The following KIAA1586 variants were observed in gnomAD, a reference collection of about 807,000 sequenced individuals.
The protein encoded by KIAA1586 is KIAA1586, also known as E3 SUMO-protein ligase KIAA1586.
In KIAA1586, 5 loss-of-function variants were observed where a neutral mutation model predicts 6.1. That is an observed-to-expected ratio of 0.82 (90% CI 0.43 to 1.73). The LOEUF is 1.73. Among genes scored for constraint, KIAA1586 ranks in the 40% most tolerant of loss-of-function variants. KIAA1586 has a pLI of 0.02. For missense variants in KIAA1586, 899 were observed against 878.2 expected (o/e 1.02, Z -0.30); for synonymous variants, 280 against 301.7 (o/e 0.93, Z 0.75).
chr6:57,050,971 T>G lies in KIAA1586; in HGVS notation c.186+117T>G, dbSNP rs1593047974. 2.5e-5 allele frequency: 18 copies of G among 720,494 alleles called. No individual in the cohort carries two copies. The South Asian group carries it at 2.5e-4, about 10-fold the overall frequency. 44.6% of individuals were successfully genotyped at this position (720,494 alleles called of 1,614,324 possible). ...TTGGCCAGGCACGGTGGCTCTCGCT[T>G]GTAATCCCAGCACTTTGGGAGGCCG... is the stretch of plus-strand genomic sequence containing the variant. On this transcript the variant is annotated intron_variant, in intron 3 of 3. Coordinates refer to ENST00000370733, the MANE Select transcript of KIAA1586 (RefSeq NM_020931.4).
rs1048848368 is a variant in KIAA1586 at position 57,046,885 on chromosome 6, C to T, written c.21+109C>T. ...CCGTCGCAGCCTCGGGGCGATACCT[C>T]TTCAGTGTCTTGGGCCGAGCCCAGC... is the stretch of plus-strand genomic sequence containing the variant. On this transcript the variant is annotated intron_variant, in intron 1 of 3. Transcript: ENST00000370733. The T allele has an allele frequency of 4.9e-6, 7 of 1,431,314 alleles. No individual in the cohort carries two copies. The Admixed American group carries it at 1.2e-4, about 25-fold the overall frequency. The allele number at this position is 1,431,314 out of a possible 1,614,324, so 88.7% of individuals were successfully genotyped here. A position where few individuals can be genotyped will look rare whatever the true frequency, so the allele number is the denominator to read the frequency against.
At chr6:57,047,851 C>G (rs1323320992) in intron 2 of KIAA1586, among the ~76,000 whole-genome samples, 1 of 111,728 alleles carries the variant, frequency 9.0e-6, no homozygotes, top group East Asian at 2.5e-4. Flanking sequence ...CATCATGTTA[C>G]GGCATAGTAC....
In KIAA1586 at chr6:57,053,333, G is replaced by A; in HGVS notation, c.834G>A (p.Glu278=). The change falls in exon 4 of 4, where the codon GAG becomes GAA. Residue 278 remains glutamate, a synonymous_variant. Transcript: ENST00000370733. ...GARELQEKNG[E]VNCLNTRYSA... ...GAGAATTACAGGAAAAAAATGGAGAGGTAAATTGTTTAAATACACGTTACA... is the reference window on the plus strand; with the variant it reads ...GAGAATTACAGGAAAAAAATGGAGAAGTAAATTGTTTAAATACACGTTACA... 1.9e-6 allele frequency: 3 copies of A among 1,611,932 alleles called. No homozygotes were observed. Among genetic ancestry groups the A allele is most frequent in the South Asian group, 1.1e-5 (1 of 90,858 alleles).
At chr6:57,063,262 G>A in the KIAA1586 span, among the ~76,000 whole-genome samples, 1 of 151,994 alleles carries the variant, frequency 6.6e-6, no homozygotes, top group Non-Finnish European at 1.5e-5. Context: ...AATATTACCA[G>A]AAAAATGATA....
At chr6:57,059,759 C>T (rs1286562534), downstream of KIAA1586, among the ~76,000 whole-genome samples, 4 of 152,118 alleles carry the variant, frequency 2.6e-5, no homozygotes, top group Admixed American at 6.5e-5. Flanking sequence ...ATTGTTGTTC[C>T]GTAGGCATTT....
In KIAA1586 at chr6:57,053,628, A is replaced by G; in HGVS notation, c.1129A>G (p.Asn377Asp). The G allele has an allele frequency of 1.9e-6, 3 of 1,611,722 alleles. No individual in the cohort carries two copies. Among genetic ancestry groups the G allele is most frequent in the South Asian group, 2.2e-5 (2 of 90,892 alleles). Residue 377 changes from asparagine to aspartate, a missense_variant, in exon 4 of 4, where the codon AAT (asparagine) becomes GAT (aspartate). By Grantham distance (23) the Asn-to-Asp change is conservative. Coordinates refer to ENST00000370733, the MANE Select transcript of KIAA1586 (RefSeq NM_020931.4). Reference protein sequence around the residue: ...LTTLNDCGFTNEYLKANLIAF... With the variant: ...LTTLNDCGFTDEYLKANLIAF... ...TACTTTAAATGATTGTGGTTTTACA[A>G]ATGAATATTTGAAAGCAAATTTAAT...
chr6:57,056,883 G>T (rs1350080402), downstream of KIAA1586, among the ~76,000 whole-genome samples: 2 of 151,692 alleles, frequency 1.3e-5, no homozygotes, highest in Non-Finnish European at 2.9e-5. Context: ...TTCAGTTGAA[G>T]AAATTGTTAG....
chr6:57,054,789 A>G lies in KIAA1586; in HGVS notation c.2290A>G (p.Thr764Ala), dbSNP rs1208170356. Residue 764 changes from threonine to alanine, a missense_variant, in exon 4 of 4, where the codon ACA becomes GCA. Physicochemically the swap from Thr to Ala is moderately conservative, Grantham distance 58. Coordinates refer to ENST00000370733, the MANE Select transcript of KIAA1586 (RefSeq NM_020931.4). Reference protein sequence around the residue: ...SWSNCNHRLATDTRVRQKSTK... With the variant: ...SWSNCNHRLAADTRVRQKSTK... ...GTCAAATTGCAACCACAGGTTGGCT[A>G]CAGATACAAGAGTTCGGCAAAAGTC... is the stretch of plus-strand genomic sequence containing the variant. The G allele has an allele frequency of 2.6e-6, 4 of 1,551,422 alleles. No homozygotes were observed. Among genetic ancestry groups the G allele is most frequent in the Non-Finnish European group, 2.6e-6 (3 of 1,146,808 alleles).
At chr6:57,061,772 T>G in the KIAA1586 span, among the ~76,000 whole-genome samples, 1 of 151,994 alleles carries the variant, frequency 6.6e-6, no homozygotes, top group Non-Finnish European at 1.5e-5. Flanking sequence ...GAATATACCA[T>G]TAGAAATTAT....
Position 57,053,442 on chromosome 6 carries a change from T to C in KIAA1586, c.943T>C (p.Cys315Arg). 6.2e-7 allele frequency: 1 copy of C among 1,610,654 alleles called. No individual in the cohort carries two copies. The highest frequency in any genetic ancestry group is 8.5e-7 in the Non-Finnish European group (1 of 1,178,352). ...KNIIEENAKI[C>R]IIIDEASTVS... ...TATTATAGAAGAGAATGCCAAAATC[T>C]GTATCATAATTGATGAGGCATCTAC... Residue 315 changes from cysteine to arginine, a missense_variant, in exon 4 of 4, where the codon TGT becomes CGT. Cys to Arg is a radical substitution (Grantham distance 180, BLOSUM62 -3). Coordinates refer to ENST00000370733, the MANE Select transcript of KIAA1586 (RefSeq NM_020931.4).
Position 57,052,847 on chromosome 6 carries a change from T to G in KIAA1586, c.348T>G (p.Ile116Met), listed in dbSNP as rs1258499828. The change falls in exon 4 of 4, where the codon ATT becomes ATG. Residue 116 changes from isoleucine (I) to methionine (M), a missense_variant. By Grantham distance (10) the Ile-to-Met change is conservative (BLOSUM62 1). Transcript: ENST00000370733. ...PHFEYIEQPI[I>M]EEKPSLSSKK... ...TCGAGTATATTGAACAACCAATCAT[T>G]GAAGAAAAGCCATCACTTTCATCAA... 6.2e-7 allele frequency: 1 copy of G among 1,613,272 alleles called. No individual in the cohort carries two copies. Among genetic ancestry groups the G allele is most frequent in the African/African-American group, 1.3e-5 (1 of 74,882 alleles).
chr6:57,061,283 A>G, the KIAA1586 span, among the ~76,000 whole-genome samples: 1 of 152,022 alleles, frequency 6.6e-6, no homozygotes, highest in South Asian at 2.1e-4. Context: ...GCCATGTTCC[A>G]CCTTTTAATA....
At chr6:57,048,282 C>T (rs2127905620) in intron 2 of KIAA1586, among the ~76,000 whole-genome samples, 1 of 152,226 alleles carries the variant, frequency 6.6e-6, no homozygotes, top group East Asian at 1.9e-4. Flanking sequence ...TAGAATTTTT[C>T]TTTAATGGAG....
At position 57,053,331 on chromosome 6, in the gene KIAA1586, G is replaced by A. The variant is rs926992314; in HGVS notation, c.832G>A (p.Glu278Lys). The A allele has an allele frequency of 9.9e-6, 16 of 1,612,086 alleles. No homozygotes were observed. The African/African-American group carries it at 1.7e-4, about 18-fold the overall frequency. The change falls in exon 4 of 4, where the codon GAG (glutamate) becomes AAG (lysine). Residue 278 changes from glutamate (E) to lysine (K), a missense_variant. Physicochemically the swap from Glu to Lys is moderately conservative, Grantham distance 56. Coordinates refer to ENST00000370733, the MANE Select transcript of KIAA1586 (RefSeq NM_020931.4). The stretch of plus-strand genomic sequence containing the variant: ...AAGAGAATTACAGGAAAAAAATGGA[G>A]AGGTAAATTGTTTAAATACACGTTA... ...GARELQEKNGEVNCLNTRYSA... is the reference protein window; with the variant it reads ...GARELQEKNGKVNCLNTRYSA...
Position 57,054,723 on chromosome 6 carries a change from G to A in KIAA1586, c.2224G>A (p.Glu742Lys). The change falls in exon 4 of 4, where the codon GAA becomes AAA. Residue 742 changes from glutamate to lysine, a missense_variant. Coordinates refer to ENST00000370733, the MANE Select transcript of KIAA1586 (RefSeq NM_020931.4). ...DLMTINLLGK[E>K]LADWDATPFV... ...AATGACAATAAATTTACTGGGGAAA[G>A]AATTAGCAGATTGGGATGCAACACC... 6.4e-7 allele frequency: 1 copy of A among 1,551,472 alleles called. No homozygotes were observed. Among genetic ancestry groups the A allele is most frequent in the Non-Finnish European group, 8.7e-7 (1 of 1,146,824 alleles).
At position 57,053,990 on chromosome 6, in the gene KIAA1586, TG is replaced by T; in HGVS notation, c.1492del (p.Ala498HisfsTer20). 3.1e-6 allele frequency: 5 copies of T among 1,604,040 alleles called. No homozygotes were observed. The highest frequency in any genetic ancestry group is 3.4e-6 in the Non-Finnish European group (4 of 1,176,322). On this transcript the variant is annotated frameshift_variant, in exon 4 of 4. Transcript: ENST00000370733. LOFTEE classifies it low-confidence loss of function (END_TRUNC). ...SLQAATAVWH[A>X]YPILYMHFSH... ...TACAAGCTGCTACTGCTGTATGGCA[TG>T]CATATCCTATATTATATATGCATTT...
At chr6:57,061,227 C>T in the KIAA1586 span, among the ~76,000 whole-genome samples, 17 of 148,576 alleles carry the variant, frequency 1.1e-4, no homozygotes, top group South Asian at 8.7e-4. Context: ...CTGCCCACCT[C>T]GGCCTCCCAA....
chr6:57,059,336 T>C (rs1021797441), downstream of KIAA1586, among the ~76,000 whole-genome samples: 2 of 152,188 alleles, frequency 1.3e-5, no homozygotes, highest in African/African-American at 4.8e-5. Flanking sequence ...CTCATGCCTG[T>C]AATCCCAGCA....
rs774755943 is a variant in KIAA1586, at chr6:57,050,885, T to G, written c.186+31T>G. 5 of 1,509,990 alleles carry G rather than the reference T, an allele frequency of 3.3e-6. No individual in the cohort carries two copies. In the South Asian group the frequency reaches 5.6e-5, roughly 17 times the overall value. 93.5% of individuals were successfully genotyped at this position (1,509,990 alleles called of 1,614,324 possible). A position where few individuals can be genotyped will look rare whatever the true frequency, so the allele number is the denominator to read the frequency against. On this transcript the variant is annotated intron_variant, in intron 3 of 3. Coordinates refer to ENST00000370733, the MANE Select transcript of KIAA1586 (RefSeq NM_020931.4). ...CACATTATATTTGTGTTTGTTCAGT[T>G]TTCTTATTAAGTGCAATAGTGTGTT...
Sources: gnomAD v4.1 joint callset for allele counts (sites outside exome capture counted in the v4.1 genomes callset) on GRCh38, gnomAD v4.1.1 for gene constraint, MANE v1.5 for transcripts, NCBI Gene and HGNC (gene_info 2026-07-23, HGNC 2026-07-21) for gene names.